Variants in ZDHHC11 observed in about 807,000 individuals in gnomAD.
ZDHHC11 encodes the protein palmitoyltransferase ZDHHC11.
ZDHHC11 carries 44 observed loss-of-function variants against 51.3 expected under a neutral mutation model. The ratio of observed to expected loss-of-function variants is 0.86; its 90% CI spans 0.67 to 1.10. The LOEUF (loss-of-function observed/expected upper bound fraction) is 1.10. ZDHHC11 is among the 50% of genes least tolerant of loss of function. The pLI is 0.00. For missense variants in ZDHHC11, 400 were observed against 537.7 expected (o/e 0.74, Z 2.53); for synonymous variants, 163 against 222.0 (o/e 0.73, Z 2.36).
In ZDHHC11 at chr5:825,166, G is replaced by A. The variant is rs1214687997; in HGVS notation, c.1021C>T (p.Arg341Trp). The change falls in exon 8 of 13, where the codon CGG (arginine) becomes TGG (tryptophan). Residue 341 changes from arginine (R) to tryptophan (W), a missense_variant and splice_region_variant. Physicochemically the swap from Arg to Trp is moderately radical, Grantham distance 101. Around this residue, in one of 5 missense-constraint regions of ZDHHC11, gnomAD observed 231 missense variants for 227.4 expected, o/e 1.02. Transcript: ENST00000283441. ...CATCGCTGGTGACTGCAACTTACCC[G>A]TGCCGTCGAATCCCCATCCTGGTTT... ...SVNQDGDSTA[R>W]EGDEDPCPSA... 8.1e-6 allele frequency: 13 copies of A among 1,611,202 alleles called. No individual in the cohort carries two copies. Among genetic ancestry groups the A allele is most frequent in the Non-Finnish European group, 8.5e-6 (10 of 1,177,846 alleles).
upstream of ZDHHC11, among the ~76,000 whole-genome samples, chr5:860,446 C>G (rs1414580951): frequency 6.6e-6 from 1 of 152,228 alleles, no homozygotes; most frequent in East Asian, 1.9e-4. The surrounding 1 kb of genome is among the most constrained non-coding windows in gnomAD (Gnocchi z 4.2). Context: ...CTGATGCTGT[C>G]TAAAGATTGA....
chr5:855,290 A>G (rs900954040), upstream of ZDHHC11, among the ~76,000 whole-genome samples: 5 of 141,700 alleles, frequency 3.5e-5, no homozygotes, highest in Non-Finnish European at 7.6e-5. Flanking sequence ...AGGGAGACAG[A>G]TCCCACAGAG....
At chr5:823,600 T>C (rs6555514) in intron 8 of ZDHHC11, 49,050 of 164,928 alleles carry the variant, frequency 0.3, 13,782 homozygotes, top group African/African-American at 0.75. Context: ...TGAAGTCACG[T>C]GCATTTTCAG....
intron 6 of ZDHHC11, among the ~76,000 whole-genome samples, chr5:836,385 C>A (rs1255582442): frequency 6.7e-6 from 1 of 150,340 alleles, no homozygotes; most frequent in African/African-American, 2.5e-5. Flanking sequence ...AGTGCACATT[C>A]CTGCCCCGTG....
At chr5:853,217 C>G (rs529085849), upstream of ZDHHC11, among the ~76,000 whole-genome samples, 1 of 126,934 alleles carries the variant, frequency 7.9e-6, no homozygotes, top group Non-Finnish European at 1.6e-5. Flanking sequence ...CAGAGGACAG[C>G]GAGCCGGGGG....
At chr5:815,451 C>G (rs1354247143) in intron 10 of ZDHHC11, among the ~76,000 whole-genome samples, 1 of 151,678 alleles carries the variant, frequency 6.6e-6, no homozygotes, top group Non-Finnish European at 1.5e-5. Context: ...TGCTCAGCAT[C>G]TGAAGCTTTG....
intron 3 of ZDHHC11, among the ~76,000 whole-genome samples, chr5:845,558 C>A (rs28457048): frequency 6.6e-6 from 1 of 152,076 alleles, no homozygotes; most frequent in Non-Finnish European, 1.5e-5. Flanking sequence ...GCGCCGCCTG[C>A]CTTCTTTCCG....
At chr5:841,520 G>C (rs1303632313) in intron 4 of ZDHHC11, 1 of 997,178 alleles carries the variant, frequency 1.0e-6, no homozygotes, top group Non-Finnish European at 1.2e-6. Context: ...TTTAGTGCCA[G>C]GGTCACGGTG....
rs142037364 is a variant in ZDHHC11, at chr5:849,351, C to T, written c.223-691G>A. ...TTACAGCTTGAGGGACAGAGCAGGGCCACAGGAGGGACATCCCAGGTATAA... is the reference window on the plus strand; with the variant it reads ...TTACAGCTTGAGGGACAGAGCAGGGTCACAGGAGGGACATCCCAGGTATAA... On this transcript the variant is annotated intron_variant, in intron 1 of 12. Coordinates refer to ENST00000283441, the MANE Select transcript of ZDHHC11 (RefSeq NM_024786.3). 4.6e-3 allele frequency among the ~76,000 whole-genome samples: 694 copies of T among 152,264 alleles called. 10 individuals are homozygous for T. Among genetic ancestry groups the T allele is most frequent in the African/African-American group, 0.016 (666 of 41,534 alleles).
chr5:802,446 G>A (rs549705898), intron 11 of ZDHHC11, among the ~76,000 whole-genome samples: 34 of 151,366 alleles, frequency 2.2e-4, no homozygotes, highest in African/African-American at 8.0e-4. Context: ...AATGGTGGAG[G>A]ATTGTGAGAC....
In ZDHHC11 at chr5:802,650, G is replaced by T. The variant is rs1271683341; in HGVS notation, c.1182-1486C>A. Among the ~76,000 whole-genome samples the T allele has an allele frequency of 2.0e-5, 3 of 149,916 alleles. 1 individual carries two copies. The highest frequency in any genetic ancestry group is 4.5e-5 in the Non-Finnish European group (3 of 67,176). ...AATTATTTGGAAACTCTGCAACCTG[G>T]TCAGACATCTATGGGAGAGTGCTTG... On this transcript the variant is annotated intron_variant, in intron 11 of 12. Transcript: ENST00000283441.
At chr5:856,436 C>T (rs1298290056) in intron 1 of ZDHHC11, among the ~76,000 whole-genome samples, 1 of 151,298 alleles carries the variant, frequency 6.6e-6, no homozygotes, top group African/African-American at 2.4e-5. Context: ...ACACAACACA[C>T]ATCATACAGA....
chr5:834,583 A>G (rs1743548985), intron 6 of ZDHHC11, among the ~76,000 whole-genome samples: 1 of 152,284 alleles, frequency 6.6e-6, no homozygotes, highest in African/African-American at 2.4e-5. Context: ...TCTGGACATC[A>G]GTCTAAGACT....
At chr5:841,915 C>A in intron 4 of ZDHHC11, 2 of 989,194 alleles carry the variant, frequency 2.0e-6, no homozygotes, top group Non-Finnish European at 2.4e-6. Flanking sequence ...GGCCTCGGGG[C>A]CATCCTAGAA....
At position 795,678 on chromosome 5, in the gene ZDHHC11, T is replaced by C. The variant is rs1033777483; in HGVS notation, c.*910A>G. On this transcript the variant is annotated 3_prime_UTR_variant, in exon 13 of 13. Coordinates refer to ENST00000283441, the MANE Select transcript of ZDHHC11 (RefSeq NM_024786.3). ...AAAATGACTACTAAACAGATTAAAATGCAGAGTTCATTAAAATACAGAGGA... is the reference window on the plus strand; with the variant it reads ...AAAATGACTACTAAACAGATTAAAACGCAGAGTTCATTAAAATACAGAGGA... 3 of 154,112 alleles carry C rather than the reference T, an allele frequency of 1.9e-5. No individual in the cohort carries two copies. Among genetic ancestry groups the C allele is most frequent in the Non-Finnish European group, 4.4e-5 (3 of 67,926 alleles). The allele number at this position is 154,112 out of a possible 1,614,324, so 9.5% of individuals were successfully genotyped here. A position where few individuals can be genotyped will look rare whatever the true frequency, so the allele number is the denominator to read the frequency against.
In ZDHHC11 at chr5:824,744, C is replaced by T. The variant is rs1742066916; in HGVS notation, c.1023+420G>A. Among the ~76,000 whole-genome samples the T allele has an allele frequency of 1.3e-5, 2 of 148,912 alleles. 1 individual carries two copies. The highest frequency in any genetic ancestry group is 3.0e-5 in the Non-Finnish European group (2 of 67,198). ...CGTCTATTCCCATCTGTCTCCTACA[C>T]ACAGTCTTTCCTAAGCATTTTATTT... is the stretch of plus-strand genomic sequence containing the variant. On this transcript the variant is annotated intron_variant, in intron 8 of 12. Transcript: ENST00000283441.
rs976440676 is a variant in ZDHHC11 at position 797,067 on chromosome 5, TGTGGTG to T, written c.*8-493_*8-488del. On this transcript the variant is annotated intron_variant, in intron 12 of 12. Coordinates refer to ENST00000283441, the MANE Select transcript of ZDHHC11 (RefSeq NM_024786.3). ...CTAAAAATACAAAAAATTAGCTGGG[TGTGGTG>T]GTGGGCAACTGTAGGCCCAGCTACT... is the stretch of plus-strand genomic sequence containing the variant. Among the ~76,000 whole-genome samples, 56 of 150,880 alleles carry T rather than the reference TGTGGTG, an allele frequency of 3.7e-4. 2 individuals carry two copies. Among genetic ancestry groups the T allele is most frequent in the African/African-American group, 1.3e-3 (54 of 41,166 alleles).
intron 6 of ZDHHC11, among the ~76,000 whole-genome samples, chr5:835,910 G>C (rs1160041760): frequency 1.3e-5 from 2 of 150,914 alleles, no homozygotes; most frequent in Non-Finnish European, 3.0e-5. Flanking sequence ...ATGTGCGAGC[G>C]TGTATTTTAA....
chr5:810,879 G>A (rs1325519221), intron 11 of ZDHHC11, among the ~76,000 whole-genome samples: 7 of 152,288 alleles, frequency 4.6e-5, no homozygotes, highest in East Asian at 1.9e-4. Context: ...AAGATGGAGC[G>A]GTTTATGCCC....
Sources: allele counts gnomAD v4.1 joint callset (sites outside exome capture counted in the v4.1 genomes callset), GRCh38; gene constraint gnomAD v4.1.1; regional missense constraint gnomAD v4.1.1; non-coding constraint Gnocchi (gnomAD v3.1); transcripts MANE v1.5; gene names NCBI Gene and HGNC (gene_info 2026-07-23, HGNC 2026-07-21).